APOBEC3B: variants seen among roughly 807,000 people sequenced by gnomAD.
APOBEC3B encodes the protein DNA dC->dU-editing enzyme APOBEC-3B.
Under a neutral mutation model 53.4 loss-of-function variants are expected in APOBEC3B, and 29 were observed. The ratio of observed to expected loss-of-function variants is 0.54; its 90% CI spans 0.40 to 0.74. The LOEUF is 0.74. Among genes scored for constraint, APOBEC3B ranks in the 30% least tolerant of loss-of-function variants. APOBEC3B has a pLI of 0.00. For missense variants in APOBEC3B, 347 were observed against 496.2 expected (o/e 0.70, Z 2.86); for synonymous variants, 132 against 184.8 (o/e 0.71, Z 2.32).
rs1923574075 is a variant in APOBEC3B, at chr22:38,982,546, G to C, written c.17+76G>C. The C allele has an allele frequency of 1.1e-5, 17 of 1,534,524 alleles. No individual in the cohort carries two copies. The South Asian group carries it at 1.6e-4, about 15-fold the overall frequency. ...GTGGTCCTGCTGGGCCTCAACCCTG[G>C]CCTCCCCCCGCCCCTGCCCCAGCCC... On this transcript the variant is annotated intron_variant, in intron 1 of 7. Coordinates refer to ENST00000333467, the MANE Select transcript of APOBEC3B (RefSeq NM_004900.5).
At chr22:38,991,887 G>A in intron 6 of APOBEC3B, 147 bp from the exon 7 acceptor site, 1 of 1,344,392 alleles carries the variant, frequency 7.4e-7, no homozygotes, top group South Asian at 1.6e-5. Context: ...GGAAGTACCT[G>A]ATGAAGGAGC....
chr22:38,989,404 G>A (rs1473807307), intron 4 of APOBEC3B, 53 bp from the exon 5 acceptor site: 2 of 1,479,864 alleles, frequency 1.4e-6, no homozygotes, highest in Admixed American at 3.9e-5. Context: ...GGAGCGAGAG[G>A]TAGTCCCAGG....
Position 38,984,944 on chromosome 22 carries a change from C to T in APOBEC3B, c.174+713C>T, listed in dbSNP as rs2146288346. On this transcript the variant is annotated intron_variant, in intron 2 of 7. Transcript: ENST00000333467. Reference sequence around the variant, plus strand: ...CGAGATGGAGTCTCGCTCTGGCACCCAGGTTGGAGTGCAATTGCACAATCT... The same window carrying T: ...CGAGATGGAGTCTCGCTCTGGCACCTAGGTTGGAGTGCAATTGCACAATCT... Among the ~76,000 whole-genome samples, 2 of 134,750 alleles carry T rather than the reference C, an allele frequency of 1.5e-5. 1 individual carries two copies. Among genetic ancestry groups the T allele is most frequent in the South Asian group, 5.0e-4 (2 of 3,966 alleles). The allele number at this position is 134,750 out of a possible 152,430, so 88.4% of individuals were successfully genotyped here. A position where few individuals can be genotyped will look rare whatever the true frequency, so the allele number is the denominator to read the frequency against.
intron 4 of APOBEC3B, among the ~76,000 whole-genome samples, chr22:38,987,621 G>T (rs1358434377): frequency 6.7e-6 from 1 of 148,524 alleles, no homozygotes; most frequent in East Asian, 2.3e-4. Flanking sequence ...TTAGGAGAGG[G>T]TGTGGGGGAG....
Position 38,992,692 on chromosome 22 carries a change from T to G in APOBEC3B, c.*247T>G. 9.1e-7 allele frequency: 1 copy of G among 1,096,158 alleles called. No individual in the cohort carries two copies. Among genetic ancestry groups the G allele is most frequent in the Non-Finnish European group, 1.3e-6 (1 of 778,704 alleles). 67.9% of individuals were successfully genotyped at this position (1,096,158 alleles called of 1,614,324 possible). ...TATGCTCAATATTCCCAGAATAGTT[T>G]TCAATGTATTAATGAAGTGATTAAT... On this transcript the variant is annotated 3_prime_UTR_variant, in exon 8 of 8. Coordinates refer to ENST00000333467, the MANE Select transcript of APOBEC3B (RefSeq NM_004900.5).
At chr22:38,989,129 G>A (rs1175559656) in intron 4 of APOBEC3B, among the ~76,000 whole-genome samples, 1 of 148,134 alleles carries the variant, frequency 6.8e-6, no homozygotes, top group African/African-American at 2.5e-5. Context: ...GGACAGGGGT[G>A]CATGGTGAGG....
intron 4 of APOBEC3B, among the ~76,000 whole-genome samples, chr22:38,988,681 T>TTCTCTCTTTCTCTCTCTCTCTCTCTC (rs58110435): frequency 3.1e-5 from 2 of 63,602 alleles, no homozygotes; most frequent in Non-Finnish European, 6.0e-5. Flanking sequence ...CTTTCTCTCT[T>TTCTCTCTTTCTCTCTCTCTCTCTCTC]TCTCTTTCTT....
At chr22:38,985,270 T>A (rs1048335007) in intron 2 of APOBEC3B, among the ~76,000 whole-genome samples, 1 of 148,166 alleles carries the variant, frequency 6.7e-6, no homozygotes, top group African/African-American at 2.5e-5. Flanking sequence ...TCACTCTTTG[T>A]TGCCTGGGCT....
At position 38,992,559 on chromosome 22, in the gene APOBEC3B, G is replaced by C; in HGVS notation, c.*114G>C. The stretch of plus-strand genomic sequence containing the variant: ...TCACCACCATCTCCAGCTGCTCACA[G>C]ACACCAGCAAAGCAATGTGCTCCTG... On this transcript the variant is annotated 3_prime_UTR_variant, in exon 8 of 8. Transcript: ENST00000333467. 2 of 1,607,982 alleles carry C rather than the reference G, an allele frequency of 1.2e-6. No individual in the cohort carries two copies. Among genetic ancestry groups the C allele is most frequent in the Middle Eastern group, 1.7e-4 (1 of 6,036 alleles).
intron 4 of APOBEC3B, among the ~76,000 whole-genome samples, chr22:38,988,733 C>CTTTCTTTCTT (rs1569039146): frequency 7.5e-6 from 1 of 133,126 alleles, no homozygotes; most frequent in Non-Finnish European, 1.6e-5. Context: ...TTCTTTCTTT[C>CTTTCTTTCTT]TTTCTTTCTT....
At position 38,992,711 on chromosome 22, in the gene APOBEC3B, G is replaced by C; in HGVS notation, c.*266G>C. ...ATAGTTTTCAATGTATTAATGAAGT[G>C]ATTAATTGGCTCCATATTTAGACTA... On this transcript the variant is annotated 3_prime_UTR_variant, in exon 8 of 8. Transcript: ENST00000333467. The C allele has an allele frequency of 6.4e-6, 6 of 933,104 alleles. No homozygotes were observed. Among genetic ancestry groups the C allele is most frequent in the South Asian group, 1.8e-5 (1 of 54,296 alleles). The allele number at this position is 933,104 out of a possible 1,614,324, so 57.8% of individuals were successfully genotyped here. A position where few individuals can be genotyped will look rare whatever the true frequency, so the allele number is the denominator to read the frequency against.
intron 1 of APOBEC3B, among the ~76,000 whole-genome samples, chr22:38,982,752 G>A (rs1373766026): frequency 6.7e-6 from 1 of 148,830 alleles, no homozygotes; most frequent in Non-Finnish European, 1.5e-5. Flanking sequence ...GCCCTGGGAG[G>A]GTGCTCCCTC....
At position 38,988,241 on chromosome 22, in the gene APOBEC3B, T is replaced by C. The variant is rs554038494; in HGVS notation, c.570-1216T>C. Among the ~76,000 whole-genome samples, 2 of 148,656 alleles carry C rather than the reference T, an allele frequency of 1.3e-5. 1 individual carries two copies. The highest frequency in any genetic ancestry group is 1.4e-4 in the Admixed American group (2 of 14,490). On this transcript the variant is annotated intron_variant, in intron 4 of 7. Transcript: ENST00000333467. ...TCTAGGTTCCCAGTTTTGGTCCCAG[T>C]GCTGGTCTCTCCTCCAATGGTACCA...
At chr22:38,992,286 C>A in intron 7 of APOBEC3B, 137 bp downstream of exon 7, 1 of 1,535,212 alleles carries the variant, frequency 6.5e-7, no homozygotes, top group Non-Finnish European at 8.8e-7. Flanking sequence ...CCGTCCCTCC[C>A]TTTCCTTCTC....
chr22:38,983,542 G>A lies in APOBEC3B; in HGVS notation c.18-533G>A, dbSNP rs1306915246. ...CTCTGTGGCCTCGGCAGGTTACCCC[G>A]CCTCTCTGTGCCTCTGGCATCTCCT... On this transcript the variant is annotated intron_variant, in intron 1 of 7. Coordinates refer to ENST00000333467, the MANE Select transcript of APOBEC3B (RefSeq NM_004900.5). Among the ~76,000 whole-genome samples, 24 of 148,442 alleles carry A rather than the reference G, an allele frequency of 1.6e-4. 1 individual carries two copies. The highest frequency in any genetic ancestry group is 8.8e-4 in the South Asian group (4 of 4,534).
At chr22:38,985,236 T>C (rs755672480) in intron 2 of APOBEC3B, among the ~76,000 whole-genome samples, 1 of 147,682 alleles carries the variant, frequency 6.8e-6, no homozygotes, top group Non-Finnish European at 1.5e-5. Flanking sequence ...TTGTTTTGTT[T>C]TGGTTTTTTT....
intron 2 of APOBEC3B, among the ~76,000 whole-genome samples, chr22:38,984,895 C>CTTTTTTT (rs11308471): frequency 2.4e-5 from 2 of 84,838 alleles, no homozygotes; most frequent in Non-Finnish European, 4.6e-5. Context: ...TCTTTTTTTC[C>CTTTTTTT]TTTTTTTTTT....
rs1456573423 is a variant in APOBEC3B at position 38,990,719 on chromosome 22, A to G, written c.724-613A>G. On this transcript the variant is annotated intron_variant, in intron 5 of 7. Transcript: ENST00000333467. ...ATAGAAGTTTCTAGAATTATGGGCC[A>G]CAGATGGGATGGGAGTAGGGGAGTT... Among the ~76,000 whole-genome samples, 7 of 147,052 alleles carry G rather than the reference A, an allele frequency of 4.8e-5. 1 individual carries two copies. Among genetic ancestry groups the G allele is most frequent in the Non-Finnish European group, 1.0e-4 (7 of 67,232 alleles).
chr22:38,990,042 A>G lies in APOBEC3B; in HGVS notation c.723+432A>G, dbSNP rs1013358478. Among the ~76,000 whole-genome samples the G allele has an allele frequency of 3.1e-4, 44 of 141,570 alleles. 3 individuals are homozygous for G. Among genetic ancestry groups the G allele is most frequent in the Non-Finnish European group, 4.6e-5 (3 of 65,190 alleles). The allele number at this position is 141,570 out of a possible 152,430, so 92.9% of individuals were successfully genotyped here. A position where few individuals can be genotyped will look rare whatever the true frequency, so the allele number is the denominator to read the frequency against. On this transcript the variant is annotated intron_variant, in intron 5 of 7. Coordinates refer to ENST00000333467, the MANE Select transcript of APOBEC3B (RefSeq NM_004900.5). ...GGGTGGAGCCCACAGCAAGGCCAGAACAGGTCCCATGTCAGGATGCAAAGA... is the reference window on the plus strand; with the variant it reads ...GGGTGGAGCCCACAGCAAGGCCAGAGCAGGTCCCATGTCAGGATGCAAAGA...
Sources: gnomAD v4.1 joint callset for allele counts (sites outside exome capture counted in the v4.1 genomes callset) on GRCh38, gnomAD v4.1.1 for gene constraint, MANE v1.5 for transcripts, NCBI Gene and HGNC (gene_info 2026-07-23, HGNC 2026-07-21) for gene names.